RAB7A: variants seen among roughly 807,000 people sequenced by gnomAD.
RAB7A encodes the protein ras-related protein Rab-7a.
In RAB7A, 2 loss-of-function variants were observed where a neutral mutation model predicts 24.5. The observed-to-expected ratio is 0.08, with a 90% confidence interval of 0.03 to 0.26. The LOEUF (loss-of-function observed/expected upper bound fraction) is 0.26. Ranked by LOEUF, RAB7A falls within the 10% of genes least tolerant of loss-of-function variation. RAB7A has a pLI of 1.00. For synonymous variants in RAB7A, 100 were observed against 95.9 expected (o/e 1.04, Z -0.25); for missense variants, 118 against 255.7 (o/e 0.46, Z 3.67).
intron 1 of RAB7A, among the ~76,000 whole-genome samples, chr3:128,767,121 T>C (rs1478303098): frequency 1.3e-5 from 2 of 152,232 alleles, no homozygotes; most frequent in African/African-American, 4.8e-5. Flanking sequence ...CGCGTTGGCA[T>C]TCAGATTTGA....
chr3:128,800,138 G>T (rs1392473592), intron 3 of RAB7A, among the ~76,000 whole-genome samples: 1 of 152,082 alleles, frequency 6.6e-6, no homozygotes, highest in Non-Finnish European at 1.5e-5. Context: ...TCTAAAAGAA[G>T]ACTTAAAATT....
intron 1 of RAB7A, among the ~76,000 whole-genome samples, chr3:128,762,874 T>G (rs1192037757): frequency 6.6e-6 from 1 of 152,214 alleles, no homozygotes; most frequent in Non-Finnish European, 1.5e-5. Flanking sequence ...AGATACACTC[T>G]CCTACCTACT....
In RAB7A at chr3:128,810,716, C is replaced by T. The variant is rs1933905774; in HGVS notation, c.529-2611C>T. 2.0e-5 allele frequency among the ~76,000 whole-genome samples: 3 copies of T among 152,180 alleles called. No individual in the cohort carries two copies. In the South Asian group the frequency reaches 6.2e-4, roughly 31 times the overall value. On this transcript the variant is annotated intron_variant, in intron 5 of 5. Transcript: ENST00000265062. Reference sequence around the variant, plus strand: ...TCCTTCCTTACTCCAAATACAGCCACCTGAAGGGTTAGTGCTTCAACACAG... The same window carrying T: ...TCCTTCCTTACTCCAAATACAGCCATCTGAAGGGTTAGTGCTTCAACACAG...
chr3:128,734,984 G>C (rs78571787), intron 1 of RAB7A, among the ~76,000 whole-genome samples: 2 of 152,138 alleles, frequency 1.3e-5, no homozygotes, highest in Non-Finnish European at 2.9e-5. Context: ...GTAAGTTACC[G>C]TTTATAGCAT....
At position 128,806,579 on chromosome 3, in the gene RAB7A, G is replaced by A. The variant is rs1446351110; in HGVS notation, c.388G>A (p.Glu130Lys). The A allele has an allele frequency of 3.1e-6, 5 of 1,613,436 alleles. No individual in the cohort carries two copies. The highest frequency in any genetic ancestry group is 1.3e-5 in the African/African-American group (1 of 74,906). ...FVVLGNKIDLENRQVATKRAQ... is the reference protein window; with the variant it reads ...FVVLGNKIDLKNRQVATKRAQ... ...TGTGTTGGGAAACAAGATTGACCTC[G>A]AAAACAGACAAGTAAGTACCAACGA... Residue 130 changes from glutamate (E) to lysine (K), a missense_variant, in exon 4 of 6, where the codon GAA (glutamate) becomes AAA (lysine). This residue lies in a region of RAB7A where 52 missense variants were observed against 173.5 expected (regional missense o/e 0.30). Coordinates refer to ENST00000265062, the MANE Select transcript of RAB7A (RefSeq NM_004637.6).
chr3:128,809,879 T>TTATCTGG (rs1268527734), intron 5 of RAB7A, among the ~76,000 whole-genome samples: 4 of 150,846 alleles, frequency 2.7e-5, no homozygotes, highest in Non-Finnish European at 5.9e-5. Flanking sequence ...CCATGTTCCC[T>TTATCTGG]TATCTGGACT....
At chr3:128,754,419 T>C (rs1293759003) in intron 1 of RAB7A, among the ~76,000 whole-genome samples, 1 of 152,116 alleles carries the variant, frequency 6.6e-6, no homozygotes, top group Non-Finnish European at 1.5e-5. Context: ...CTGTAGGATA[T>C]ACACAAAAGG....
chr3:128,739,351 A>G (rs1255911971), intron 1 of RAB7A, among the ~76,000 whole-genome samples: 1 of 152,102 alleles, frequency 6.6e-6, no homozygotes, highest in Non-Finnish European at 1.5e-5. Context: ...CGTCTCCACC[A>G]AAAATACAAA....
chr3:128,795,267 A>T, intron 1 of RAB7A, 93 bp from the exon 2 acceptor site: 1 of 1,052,600 alleles, frequency 9.5e-7, no homozygotes. Flanking sequence ...AGGGCCCTGC[A>T]CTGTTGGGGC....
chr3:128,810,984 G>T (rs982093475), intron 5 of RAB7A, among the ~76,000 whole-genome samples: 14 of 151,996 alleles, frequency 9.2e-5, no homozygotes, highest in Admixed American at 9.2e-4. Context: ...AACCTGGGAG[G>T]TGGAGGTTGC....
At chr3:128,744,089 A>G (rs2070584391) in intron 1 of RAB7A, among the ~76,000 whole-genome samples, 1 of 151,298 alleles carries the variant, frequency 6.6e-6, no homozygotes, top group Non-Finnish European at 1.5e-5. Flanking sequence ...GCACCTGGCC[A>G]AATTCTTGCT....
At chr3:128,750,132 G>C (rs1198481702) in intron 1 of RAB7A, among the ~76,000 whole-genome samples, 1 of 152,244 alleles carries the variant, frequency 6.6e-6, no homozygotes, top group Non-Finnish European at 1.5e-5. Context: ...TGAAGAACTT[G>C]TTGGGAACTA....
At chr3:128,727,937 C>G (rs1343323354) in intron 1 of RAB7A, among the ~76,000 whole-genome samples, 1 of 151,792 alleles carries the variant, frequency 6.6e-6, no homozygotes, top group Non-Finnish European at 1.5e-5. Flanking sequence ...GTTCACAATC[C>G]TGTTGTATTC....
intron 1 of RAB7A, among the ~76,000 whole-genome samples, chr3:128,784,780 C>CT (rs1369023373): frequency 6.6e-6 from 1 of 152,130 alleles, no homozygotes; most frequent in East Asian, 1.9e-4. Flanking sequence ...TTAAAGTAAA[C>CT]TTAACACGTC....
intron 1 of RAB7A, among the ~76,000 whole-genome samples, chr3:128,744,000 G>A (rs1291386234): frequency 6.6e-6 from 1 of 151,816 alleles, no homozygotes; most frequent in African/African-American, 2.4e-5. Flanking sequence ...TGTTGGCCAG[G>A]CTGGTATTGA....
At chr3:128,741,473 T>C (rs561255944) in intron 1 of RAB7A, among the ~76,000 whole-genome samples, 1 of 152,320 alleles carries the variant, frequency 6.6e-6, no homozygotes, top group East Asian at 1.9e-4. Flanking sequence ...GTATTATCTT[T>C]TCTCTTTGAC....
At chr3:128,759,012 A>T (rs1200136529) in intron 1 of RAB7A, among the ~76,000 whole-genome samples, 1 of 152,042 alleles carries the variant, frequency 6.6e-6, no homozygotes, top group African/African-American at 2.4e-5. Context: ...TTTTAAGTTC[A>T]GTGATCTTCA....
intron 1 of RAB7A, among the ~76,000 whole-genome samples, chr3:128,788,522 A>G (rs1168816069): frequency 6.6e-6 from 1 of 152,198 alleles, no homozygotes; most frequent in Non-Finnish European, 1.5e-5. Context: ...GACGGATGAC[A>G]AGTTTGGTAC....
At chr3:128,759,144 T>G (rs917458080) in intron 1 of RAB7A, among the ~76,000 whole-genome samples, 1 of 152,168 alleles carries the variant, frequency 6.6e-6, no homozygotes, top group African/African-American at 2.4e-5. Context: ...TGAAATATGG[T>G]TTCATAGTTA....
Sources: allele counts gnomAD v4.1 joint callset (sites outside exome capture counted in the v4.1 genomes callset), GRCh38; gene constraint gnomAD v4.1.1; regional missense constraint gnomAD v4.1.1; transcripts MANE v1.5; gene names NCBI Gene and HGNC (gene_info 2026-07-23, HGNC 2026-07-21).